KIAA1217: variants seen among roughly 807,000 people sequenced by gnomAD.
KIAA1217 encodes the protein sickle tail protein homolog.
In KIAA1217, 88 loss-of-function variants were observed where a neutral mutation model predicts 163.9. The observed-to-expected ratio is 0.54, with a 90% CI of 0.45 to 0.64. The LOEUF (loss-of-function observed/expected upper bound fraction) is 0.64, where lower values mean the gene tolerates loss of function less well. KIAA1217 is among the 30% of genes least tolerant of loss of function. KIAA1217 has a pLI of 0.00. For missense variants in KIAA1217, 2,372 were observed against 2,475.0 expected (o/e 0.96, Z 0.88); for synonymous variants, 903 against 923.1 (o/e 0.98, Z 0.39).
chr10:23,945,051 T>G (rs1324289572), intron 1 of KIAA1217, among the ~76,000 whole-genome samples: 1 of 130,448 alleles, frequency 7.7e-6, no homozygotes, highest in Non-Finnish European at 1.5e-5. Context: ...AGAACAAGAC[T>G]CTATCTCAAA....
intron 1 of KIAA1217, among the ~76,000 whole-genome samples, chr10:23,863,079 C>T (rs181810324): frequency 4.5e-4 from 69 of 152,226 alleles, no homozygotes; most frequent in African/African-American, 1.7e-3. Context: ...AACCTACTTC[C>T]AGTCATTTTG....
At chr10:23,902,712 T>C (rs1842006166) in intron 1 of KIAA1217, among the ~76,000 whole-genome samples, 1 of 152,092 alleles carries the variant, frequency 6.6e-6, no homozygotes, top group African/African-American at 2.4e-5. Flanking sequence ...TGACATGTGA[T>C]GGGGTGTTGA....
At chr10:24,296,409 G>T (rs2040617498) in intron 2 of KIAA1217, among the ~76,000 whole-genome samples, 1 of 152,138 alleles carries the variant, frequency 6.6e-6, no homozygotes, top group Admixed American at 6.5e-5. Context: ...TGCCCGGCCA[G>T]GATCCACATT....
intron 9 of KIAA1217, among the ~76,000 whole-genome samples, chr10:24,506,251 G>A (rs1265287540): frequency 6.6e-6 from 1 of 152,194 alleles, no homozygotes; most frequent in African/African-American, 2.4e-5. Flanking sequence ...GAATCTTTCT[G>A]ATTTGTGGTA....
At chr10:24,348,088 G>T (rs1229125446) in intron 2 of KIAA1217, among the ~76,000 whole-genome samples, 1 of 152,172 alleles carries the variant, frequency 6.6e-6, no homozygotes, top group Admixed American at 6.5e-5. Context: ...CAGGTGCAGT[G>T]GCTCACGCCT....
intron 2 of KIAA1217, among the ~76,000 whole-genome samples, chr10:24,303,050 G>A (rs1050347567): frequency 6.6e-6 from 1 of 152,090 alleles, no homozygotes; most frequent in Admixed American, 6.6e-5. Context: ...GTCTTGCTCT[G>A]TCACCCAGGC....
intron 2 of KIAA1217, among the ~76,000 whole-genome samples, chr10:24,243,758 T>C (rs1314420548): frequency 6.6e-6 from 1 of 152,024 alleles, no homozygotes; most frequent in Non-Finnish European, 1.5e-5. Context: ...TATACACATC[T>C]ATGAATGTAT....
chr10:24,142,601 TA>T (rs1478498895), intron 2 of KIAA1217, among the ~76,000 whole-genome samples: 6 of 152,192 alleles, frequency 3.9e-5, no homozygotes, highest in Middle Eastern at 3.4e-3. Context: ...CTTGAATCTA[TA>T]AAAAAATAAA....
chr10:24,214,940 A>G (rs1275690402), intron 1 of KIAA1217, among the ~76,000 whole-genome samples: 14 of 152,226 alleles, frequency 9.2e-5, no homozygotes, highest in Admixed American at 9.2e-4. Context: ...TGACCCAGCC[A>G]GAGTAACCCG....
chr10:23,860,459 T>C (rs1351490295), intron 1 of KIAA1217, among the ~76,000 whole-genome samples: 1 of 152,182 alleles, frequency 6.6e-6, no homozygotes, highest in East Asian at 1.9e-4. Context: ...GTAAAAGGTA[T>C]ATAATTTAAT....
chr10:24,545,622 C>T (rs1261553539), intron 20 of KIAA1217: 1 of 1,386,536 alleles, frequency 7.2e-7, no homozygotes, highest in Non-Finnish European at 9.3e-7. Flanking sequence ...TTCCTTTCCT[C>T]CTTTCCCGTC....
intron 2 of KIAA1217, among the ~76,000 whole-genome samples, chr10:24,230,459 A>G (rs987283410): frequency 2.0e-4 from 29 of 147,228 alleles, no homozygotes; most frequent in Non-Finnish European, 1.5e-5. Context: ...AGTGTAGTCC[A>G]TCCTCTCTAC....
Position 24,485,559 on chromosome 10 carries a change from G to A in KIAA1217, c.1680-8941G>A, listed in dbSNP as rs200713851. Among the ~76,000 whole-genome samples, 8 of 152,214 alleles carry A rather than the reference G, an allele frequency of 5.3e-5. No individual in the cohort carries two copies. The East Asian group carries it at 1.4e-3, about 26-fold the overall frequency. On this transcript the variant is annotated intron_variant, in intron 6 of 20. Transcript: ENST00000376454. ...TTGCAACACTCCCCCGCAGTCTCCCGTGCCCCAGATGTAAGTTCCATGAGG... is the reference window on the plus strand; with the variant it reads ...TTGCAACACTCCCCCGCAGTCTCCCATGCCCCAGATGTAAGTTCCATGAGG...
At chr10:24,186,089 T>C (rs1340765941) in intron 2 of KIAA1217, among the ~76,000 whole-genome samples, 1 of 152,226 alleles carries the variant, frequency 6.6e-6, no homozygotes, top group Non-Finnish European at 1.5e-5. Context: ...TAAATGGTCA[T>C]TGCTCATAAA....
At chr10:24,318,279 TAGAC>T (rs1014057327) in intron 2 of KIAA1217, among the ~76,000 whole-genome samples, 4 of 151,984 alleles carry the variant, frequency 2.6e-5, no homozygotes, top group African/African-American at 7.2e-5. Context: ...GATAGATAGA[TAGAC>T]AGATAGACAG....
At chr10:24,362,727 G>A (rs543690399) in intron 2 of KIAA1217, among the ~76,000 whole-genome samples, 89 of 152,282 alleles carry the variant, frequency 5.8e-4, no homozygotes, top group Non-Finnish European at 1.2e-3. Flanking sequence ...TGGGCCGGGC[G>A]CGGTGGCTCA....
At chr10:24,088,183 C>T (rs1589445237) in intron 2 of KIAA1217, among the ~76,000 whole-genome samples, 1 of 120,150 alleles carries the variant, frequency 8.3e-6, no homozygotes, top group South Asian at 2.8e-4. Context: ...CCTGGAGGCA[C>T]ATGGATCTCC....
chr10:23,747,504 C>T (rs1333225624), intron 1 of KIAA1217, among the ~76,000 whole-genome samples: 1 of 152,084 alleles, frequency 6.6e-6, no homozygotes, highest in East Asian at 1.9e-4. Flanking sequence ...CATGACCACA[C>T]ATGAGCCTCT....
chr10:23,941,938 A>C (rs898014089), intron 1 of KIAA1217, among the ~76,000 whole-genome samples: 3 of 152,172 alleles, frequency 2.0e-5, no homozygotes, highest in Non-Finnish European at 4.4e-5. Context: ...AGGAGAAAAC[A>C]ATCTTCCACA....
Sources: allele counts gnomAD v4.1 joint callset (sites outside exome capture counted in the v4.1 genomes callset), GRCh38; gene constraint gnomAD v4.1.1; transcripts MANE v1.5; gene names NCBI Gene and HGNC (gene_info 2026-07-23, HGNC 2026-07-21).